ANK2: variants seen among roughly 807,000 people sequenced by gnomAD.
ANK2 encodes the protein ankyrin 2.
In ANK2, 83 loss-of-function variants were observed where a neutral mutation model predicts 360.5. The observed-to-expected ratio is 0.23, with a 90% CI of 0.19 to 0.28. The LOEUF (loss-of-function observed/expected upper bound fraction) is 0.28, where lower values mean the gene tolerates loss of function less well. Ranked by LOEUF, ANK2 falls within the 10% of genes least tolerant of loss-of-function variation. The pLI is 1.00. For synonymous variants in ANK2, 1,740 were observed against 1,759.5 expected (o/e 0.99, Z 0.28); for missense variants, 4,201 against 4,795.7 (o/e 0.88, Z 3.66).
chr4:113,046,374 T>C (rs1170328908), upstream of ANK2, among the ~76,000 whole-genome samples: 5 of 152,124 alleles, frequency 3.3e-5, no homozygotes, highest in Non-Finnish European at 7.4e-5. Flanking sequence ...AGAATGACAC[T>C]GCTATGGCTT....
the ANK2 span, among the ~76,000 whole-genome samples, chr4:112,737,891 T>A: frequency 2.0e-5 from 3 of 152,116 alleles, no homozygotes; most frequent in Non-Finnish European, 4.4e-5. Flanking sequence ...ATTCTATTGG[T>A]TAAAATGTGT....
rs71582166 is a variant in ANK2, at chr4:113,338,543, C to CTTTTTTTTTTT, written c.3797-669_3797-659dup. Among the ~76,000 whole-genome samples, 6 of 96,118 alleles carry CTTTTTTTTTTT rather than the reference C, an allele frequency of 6.2e-5. 1 individual carries two copies. The highest frequency in any genetic ancestry group is 2.4e-4 in the African/African-American group (5 of 20,862). 63.1% of individuals were successfully genotyped at this position (96,118 alleles called of 152,430 possible). A position where few individuals can be genotyped will look rare whatever the true frequency, so the allele number is the denominator to read the frequency against. ...AACAAAAGAATATTTAGATTGTTCA[C>CTTTTTTTTTTT]TTTTTTTTTTTTTTTTTTTTTTTTG... On this transcript the variant is annotated intron_variant, in intron 31 of 45. Coordinates refer to ENST00000357077, the MANE Select transcript of ANK2 (RefSeq NM_001148.6).
chr4:113,348,214 A>C, intron 35 of ANK2, 62 bp from the exon 36 acceptor site: 1 of 1,546,166 alleles, frequency 6.5e-7, no homozygotes. Context: ...CTTTTCTTCT[A>C]AATACTCTCT....
intron 1 of ANK2, among the ~76,000 whole-genome samples, chr4:113,058,690 G>A (rs1439513035): frequency 6.6e-6 from 1 of 152,046 alleles, no homozygotes; most frequent in South Asian, 2.1e-4. Flanking sequence ...TAAGTGCAGA[G>A]GGGTGGCAAT....
At chr4:112,791,479 CTT>C in the ANK2 span, among the ~76,000 whole-genome samples, 30,084 of 91,322 alleles carry the variant, frequency 0.33, 2,014 homozygotes, top group East Asian at 0.47. Flanking sequence ...TCTTCTTCTT[CTT>C]TTTTTTTTTT....
intron 1 of ANK2, among the ~76,000 whole-genome samples, chr4:113,076,757 C>T: frequency 6.6e-6 from 1 of 150,528 alleles, no homozygotes; most frequent in East Asian, 2.0e-4. Flanking sequence ...GATAGTACCA[C>T]TGTACTCCAG....
intron 38 of ANK2, 68 bp from the exon 39 acceptor site, chr4:113,360,755 G>T: frequency 7.3e-7 from 1 of 1,360,584 alleles, no homozygotes; most frequent in Non-Finnish European, 1.0e-6. Flanking sequence ...TTCTTTGAAT[G>T]AATCAGTACT....
chr4:112,864,640 C>G (rs531771049), intron 1 of ANK2, among the ~76,000 whole-genome samples: 2 of 151,184 alleles, frequency 1.3e-5, no homozygotes, highest in African/African-American at 2.4e-5. Context: ...TTTAAAAAAA[C>G]GTTTACTTGG....
intron 1 of ANK2, among the ~76,000 whole-genome samples, chr4:113,124,966 T>G (rs539235715): frequency 6.6e-6 from 1 of 152,004 alleles, no homozygotes; most frequent in African/African-American, 2.4e-5. Context: ...CCCCATCTCT[T>G]TTAAAAAAAA....
At chr4:113,176,151 A>C (rs2098190021) in intron 2 of ANK2, among the ~76,000 whole-genome samples, 1 of 152,154 alleles carries the variant, frequency 6.6e-6, no homozygotes, top group Admixed American at 6.5e-5. Flanking sequence ...CCTTTGTGTC[A>C]ACCCTGTTAG....
chr4:112,711,848 A>T, the ANK2 span, among the ~76,000 whole-genome samples: 1 of 150,850 alleles, frequency 6.6e-6, no homozygotes, highest in African/African-American at 2.4e-5. Context: ...AAAAATAAAA[A>T]TAAAAAATAA....
Position 113,381,479 on chromosome 4 carries a change from A to G in ANK2, c.*8A>G. On this transcript the variant is annotated 3_prime_UTR_variant, in exon 46 of 46. Transcript: ENST00000357077. ...CAGGACAACAATGAGTAAAGCCATCACACAGAAGAGGGCTGTGGTGAAGGA... is the reference window on the plus strand; with the variant it reads ...CAGGACAACAATGAGTAAAGCCATCGCACAGAAGAGGGCTGTGGTGAAGGA... 1 of 1,614,158 alleles carries G rather than the reference A, an allele frequency of 6.2e-7. No homozygotes were observed. Among genetic ancestry groups the G allele is most frequent in the Non-Finnish European group, 8.5e-7 (1 of 1,180,014 alleles).
intron 1 of ANK2, among the ~76,000 whole-genome samples, chr4:113,051,695 C>T (rs2067104133): frequency 6.6e-6 from 1 of 152,102 alleles, no homozygotes; most frequent in African/African-American, 2.4e-5. Flanking sequence ...CCTAGTCAGT[C>T]AGACATAAGT....
At chr4:112,769,519 T>C in the ANK2 span, among the ~76,000 whole-genome samples, 11 of 152,354 alleles carry the variant, frequency 7.2e-5, no homozygotes, top group African/African-American at 2.6e-4. Context: ...AAGTTGGTCA[T>C]GTCTTCTTCA....
the ANK2 span, among the ~76,000 whole-genome samples, chr4:112,807,052 G>T: frequency 6.6e-6 from 1 of 152,128 alleles, no homozygotes; most frequent in Non-Finnish European, 1.5e-5. Flanking sequence ...GATAAAGCTG[G>T]TGTTTATTAG....
chr4:113,146,082 C>T (rs1298758962), intron 1 of ANK2: 4 of 1,249,836 alleles, frequency 3.2e-6, no homozygotes, highest in Non-Finnish European at 3.1e-6. Context: ...GGTCAGACCT[C>T]TAAACTTCCT....
chr4:112,735,529 T>C, the ANK2 span, among the ~76,000 whole-genome samples: 1 of 152,132 alleles, frequency 6.6e-6, no homozygotes, highest in African/African-American at 2.4e-5. Context: ...ACATTCATCA[T>C]CTTCAAGGAC....
At chr4:112,812,123 G>A in the ANK2 span, among the ~76,000 whole-genome samples, 11 of 148,080 alleles carry the variant, frequency 7.4e-5, no homozygotes, top group African/African-American at 2.7e-4. Flanking sequence ...CCAAAACAGA[G>A]TTCCATTTGG....
intron 24 of ANK2, among the ~76,000 whole-genome samples, chr4:113,314,404 T>C (rs1017620559): frequency 3.3e-5 from 5 of 152,190 alleles, no homozygotes; most frequent in African/African-American, 1.2e-4. Flanking sequence ...TACCACCTAT[T>C]ATGTGTCCAT....
Sources: gnomAD v4.1 joint callset for allele counts (sites outside exome capture counted in the v4.1 genomes callset) on GRCh38, gnomAD v4.1.1 for gene constraint, MANE v1.5 for transcripts, NCBI Gene and HGNC (gene_info 2026-07-23, HGNC 2026-07-21) for gene names.